Variants in FRK observed in about 807,000 individuals in gnomAD.
FRK encodes fyn related Src family tyrosine kinase.
Under a neutral mutation model 56.4 loss-of-function variants are expected in FRK, and 51 were observed. That is an observed-to-expected ratio of 0.90 (90% CI 0.72 to 1.14). The LOEUF is 1.14. Among genes scored for constraint, FRK ranks in the 50% most tolerant of loss-of-function variants. The pLI is 0.00. For missense variants in FRK, 570 were observed against 601.4 expected (o/e 0.95, Z 0.55); for synonymous variants, 245 against 217.9 (o/e 1.12, Z -1.10).
chr6:115,936,538 G>C lies in FRK; in HGVS notation c.*5876C>G, dbSNP rs764850296. The stretch of plus-strand genomic sequence containing the variant: ...AATAACAAACTCCTCCAAGCTAAAG[G>C]AGCATGTTCTAACCCAATGCAAGGA... On this transcript the variant is annotated 3_prime_UTR_variant, in exon 8 of 8. Coordinates refer to ENST00000606080, the MANE Select transcript of FRK (RefSeq NM_002031.3). 2.6e-5 allele frequency: 4 copies of C among 152,138 alleles called. No individual in the cohort carries two copies. Among genetic ancestry groups the C allele is most frequent in the Non-Finnish European group, 5.9e-5 (4 of 68,034 alleles). The allele number at this position is 152,138 out of a possible 1,614,324, so 9.4% of individuals were successfully genotyped here. A position where few individuals can be genotyped will look rare whatever the true frequency, so the allele number is the denominator to read the frequency against.
chr6:116,033,506 C>T (rs1424900017), intron 1 of FRK, among the ~76,000 whole-genome samples: 2 of 151,942 alleles, frequency 1.3e-5, no homozygotes, highest in African/African-American at 2.4e-5. Context: ...ATTTATTGAA[C>T]AATAAATTTT....
chr6:115,948,083 A>G (rs191430158), intron 5 of FRK, among the ~76,000 whole-genome samples: 40 of 152,310 alleles, frequency 2.6e-4, no homozygotes, highest in Non-Finnish European at 4.7e-4. Flanking sequence ...AGATTAAATT[A>G]TAAGAGGCTG....
chr6:115,998,078 G>A (rs1774911262), intron 2 of FRK, among the ~76,000 whole-genome samples: 2 of 152,208 alleles, frequency 1.3e-5, no homozygotes, highest in African/African-American at 4.8e-5. Context: ...CAACAGAGGG[G>A]CCCTATGCTT....
At chr6:115,991,013 A>G (rs1774581496) in intron 2 of FRK, among the ~76,000 whole-genome samples, 1 of 151,584 alleles carries the variant, frequency 6.6e-6, no homozygotes, top group African/African-American at 2.4e-5. Flanking sequence ...ATTCCTAGGT[A>G]TTTTACCTTT....
chr6:115,973,872 G>GAAAAAAAAAAAAAAAA (rs34745163), intron 2 of FRK, among the ~76,000 whole-genome samples: 2 of 137,614 alleles, frequency 1.5e-5, no homozygotes, highest in Non-Finnish European at 1.6e-5. Flanking sequence ...CACAGTCTCA[G>GAAAAAAAAAAAAAAAA]AAAAAAAAAA....
At position 115,942,578 on chromosome 6, in the gene FRK, G is replaced by T. The variant is rs1772231128; in HGVS notation, c.1354C>A (p.Leu452Ile). Residue 452 changes from leucine (L) to isoleucine (I), a missense_variant, in exon 8 of 8, where the codon CTT becomes ATT. By Grantham distance (5) the Leu-to-Ile change is conservative (BLOSUM62 2). Transcript: ENST00000606080. ...TGTGGACAGTTGGATGGTTGCGGAAGTCTATAGTTTTGAGCCAACATCTGG... is the reference window on the plus strand; with the variant it reads ...TGTGGACAGTTGGATGGTTGCGGAATTCTATAGTTTTGAGCCAACATCTGG... ...VIQMLAQNYR[L>I]PQPSNCPQQF... 6.2e-7 allele frequency: 1 copy of T among 1,613,662 alleles called. No individual in the cohort carries two copies. The highest frequency in any genetic ancestry group is 1.7e-5 in the Admixed American group (1 of 59,938).
intron 1 of FRK, among the ~76,000 whole-genome samples, chr6:116,058,159 T>C (rs2114834432): frequency 6.6e-6 from 1 of 152,276 alleles, no homozygotes; most frequent in African/African-American, 2.4e-5. Context: ...ATACATGTTA[T>C]GCCAAATATA....
chr6:116,068,929 C>T, the FRK span, among the ~76,000 whole-genome samples: 2 of 151,928 alleles, frequency 1.3e-5, no homozygotes, highest in South Asian at 2.1e-4. Flanking sequence ...CAGTAAGATA[C>T]TGAAAAAAAT....
the FRK span, among the ~76,000 whole-genome samples, chr6:116,078,672 A>G: frequency 6.6e-6 from 1 of 152,224 alleles, no homozygotes; most frequent in African/African-American, 2.4e-5. Flanking sequence ...CTCATGTATT[A>G]TAACACAGAT....
rs1230886165 is a variant in FRK at position 115,932,053 on chromosome 6, A to G, written c.*10361T>C. 6.6e-6 allele frequency: 1 copy of G among 152,224 alleles called. No homozygotes were observed. Among genetic ancestry groups the G allele is most frequent in the Non-Finnish European group, 1.5e-5 (1 of 68,032 alleles). The allele number at this position is 152,224 out of a possible 1,614,324, so 9.4% of individuals were successfully genotyped here. ...TTAACTACCTAGGCAAGAAGAGTAA[A>G]TGGAAATAATTGGGCATCTCTTTTC... On this transcript the variant is annotated 3_prime_UTR_variant, in exon 8 of 8. Transcript: ENST00000606080.
intron 1 of FRK, among the ~76,000 whole-genome samples, chr6:116,009,221 A>G (rs926025476): frequency 6.6e-6 from 1 of 152,246 alleles, no homozygotes; most frequent in Non-Finnish European, 1.5e-5. Flanking sequence ...TCATACATCC[A>G]GTAAGGTTAT....
chr6:116,018,133 T>C (rs1775720360), intron 1 of FRK, among the ~76,000 whole-genome samples: 1 of 152,174 alleles, frequency 6.6e-6, no homozygotes, highest in Admixed American at 6.6e-5. Flanking sequence ...CCACTCCTCT[T>C]CCTCCTTTCT....
At chr6:116,017,396 C>T (rs1775697039) in intron 1 of FRK, among the ~76,000 whole-genome samples, 1 of 152,170 alleles carries the variant, frequency 6.6e-6, no homozygotes, top group Non-Finnish European at 1.5e-5. Context: ...GAGCTGTAAC[C>T]AATCCAGCTG....
intron 1 of FRK, 141 bp downstream of exon 1, chr6:116,059,827 A>G (rs1582771132): frequency 2.8e-6 from 2 of 716,338 alleles, no homozygotes; most frequent in South Asian, 1.8e-5. Context: ...GTGTGTTTCA[A>G]TTAGTGGTTT....
intron 1 of FRK, among the ~76,000 whole-genome samples, chr6:116,043,507 A>G (rs1298140898): frequency 1.3e-5 from 2 of 152,204 alleles, no homozygotes; most frequent in African/African-American, 4.8e-5. Flanking sequence ...TAATGAAATT[A>G]AGGCAGAAAT....
At chr6:116,063,064 G>C (rs1433666355), upstream of FRK, among the ~76,000 whole-genome samples, 1 of 152,094 alleles carries the variant, frequency 6.6e-6, no homozygotes, top group Non-Finnish European at 1.5e-5. Flanking sequence ...TTATAGAGTA[G>C]TTTTTATAAT....
chr6:115,979,881 C>A (rs758620570), intron 2 of FRK, among the ~76,000 whole-genome samples: 1 of 152,094 alleles, frequency 6.6e-6, no homozygotes, highest in Non-Finnish European at 1.5e-5. Context: ...GCTATAGCAC[C>A]TAGGTTTGTG....
At chr6:115,958,160 T>C (rs986240177) in intron 4 of FRK, among the ~76,000 whole-genome samples, 2 of 152,222 alleles carry the variant, frequency 1.3e-5, no homozygotes, top group Non-Finnish European at 2.9e-5. Flanking sequence ...TTTGGAATCA[T>C]AGTCACAAAA....
chr6:115,933,481 T>C lies in FRK; in HGVS notation c.*8933A>G, dbSNP rs533830208. 1.3e-5 allele frequency: 2 copies of C among 152,186 alleles called. No homozygotes were observed. Among genetic ancestry groups the C allele is most frequent in the South Asian group, 2.1e-4 (1 of 4,832 alleles). The allele number at this position is 152,186 out of a possible 1,614,324, so 9.4% of individuals were successfully genotyped here. On this transcript the variant is annotated 3_prime_UTR_variant, in exon 8 of 8. Transcript: ENST00000606080. ...ATCCATCAGGTAAAAACAAGAATAA[T>C]AGATTGCTTTGACAGAACCTTGAAC... is the stretch of plus-strand genomic sequence containing the variant.
Sources: allele counts gnomAD v4.1 joint callset (sites outside exome capture counted in the v4.1 genomes callset), GRCh38; gene constraint gnomAD v4.1.1; transcripts MANE v1.5; gene names NCBI Gene and HGNC (gene_info 2026-07-23, HGNC 2026-07-21).